The following ADCY1 variants were observed in gnomAD, a reference collection of about 807,000 sequenced individuals.
The protein encoded by ADCY1 is adenylate cyclase 1.
In ADCY1, 28 loss-of-function variants were observed where a neutral mutation model predicts 105.4. The ratio of observed to expected loss-of-function variants is 0.27; its 90% CI spans 0.20 to 0.36. The LOEUF is 0.36. ADCY1 is among the 10% of genes least tolerant of loss of function. ADCY1 has a pLI of 1.00. For synonymous variants in ADCY1, 655 were observed against 623.8 expected (o/e 1.05, Z -0.75); for missense variants, 977 against 1,434.2 (o/e 0.68, Z 5.15).
intron 1 of ADCY1, among the ~76,000 whole-genome samples, chr7:45,584,128 A>G (rs563534122): frequency 2.0e-5 from 3 of 151,666 alleles, no homozygotes; most frequent in African/African-American, 4.8e-5. Flanking sequence ...TATTTTTTGT[A>G]GAGATGGAGT....
intron 4 of ADCY1, among the ~76,000 whole-genome samples, chr7:45,630,139 A>C (rs1454077128): frequency 6.6e-6 from 1 of 152,076 alleles, no homozygotes; most frequent in Admixed American, 6.5e-5. Flanking sequence ...CTTTTTGTGA[A>C]GTTTTGAGCA....
At position 45,711,842 on chromosome 7, in the gene ADCY1, AAAT is replaced by A. The variant is rs1785245753; in HGVS notation, c.3057+1192_3057+1194del. Among the ~76,000 whole-genome samples, 4 of 125,722 alleles carry A rather than the reference AAAT, an allele frequency of 3.2e-5. No individual in the cohort carries two copies. In the South Asian group the frequency reaches 9.5e-4, roughly 30 times the overall value. 82.5% of individuals were successfully genotyped at this position (125,722 alleles called of 152,430 possible). ...TGTACTTTTAAAATATACAATATTT[AAAT>A]ATTAATATTAATTTTATTAATATAT... On this transcript the variant is annotated intron_variant, in intron 19 of 19. Transcript: ENST00000297323.
rs912279606 is a variant in ADCY1 at position 45,591,382 on chromosome 7, G to A, written c.640-1377G>A. ...TCTCATGGGTCTACCTCCTGGACTC[G>A]CTTGGTCCCCGTCAGGTGGCAGCTG... On this transcript the variant is annotated intron_variant, in intron 1 of 19. Coordinates refer to ENST00000297323, the MANE Select transcript of ADCY1 (RefSeq NM_021116.4). This position sits in a 1 kb window ranked among gnomAD's most constrained non-coding sequence, Gnocchi z 4.1. Among the ~76,000 whole-genome samples the A allele has an allele frequency of 6.6e-6, 1 of 152,208 alleles. No homozygotes were observed. Among genetic ancestry groups the A allele is most frequent in the Non-Finnish European group, 1.5e-5 (1 of 68,046 alleles).
In ADCY1 at chr7:45,600,652, T is replaced by A. The variant is rs1584260154; in HGVS notation, c.789+7744T>A. On this transcript the variant is annotated intron_variant, in intron 2 of 19. Coordinates refer to ENST00000297323, the MANE Select transcript of ADCY1 (RefSeq NM_021116.4). ...CTTAGGCTGTGTAACAGAGACTGGG[T>A]GGCTGCAACAAGAGAAATGTATTTC... Among the ~76,000 whole-genome samples, 3 of 152,132 alleles carry A rather than the reference T, an allele frequency of 2.0e-5. No homozygotes were observed. The South Asian group carries it at 6.2e-4, about 32-fold the overall frequency.
At chr7:45,607,727 T>C (rs1793418199) in intron 2 of ADCY1, among the ~76,000 whole-genome samples, 1 of 152,202 alleles carries the variant, frequency 6.6e-6, no homozygotes, top group Non-Finnish European at 1.5e-5. Context: ...TCTGTGTTAC[T>C]TCAGTGGCCT....
At chr7:45,672,295 T>C (rs1716580966) in intron 8 of ADCY1, among the ~76,000 whole-genome samples, 1 of 152,192 alleles carries the variant, frequency 6.6e-6, no homozygotes, top group African/African-American at 2.4e-5. Context: ...GTTCCATTTA[T>C]CTATTTGTCT....
rs1785488227 is a variant in ADCY1, at chr7:45,722,163, G to A, written c.*8168G>A. 2 of 264,436 alleles carry A rather than the reference G, an allele frequency of 7.6e-6. No homozygotes were observed. The highest frequency in any genetic ancestry group is 1.1e-4 in the Admixed American group (2 of 18,336). The allele number at this position is 264,436 out of a possible 1,614,324, so 16.4% of individuals were successfully genotyped here. On this transcript the variant is annotated 3_prime_UTR_variant, in exon 20 of 20. Coordinates refer to ENST00000297323, the MANE Select transcript of ADCY1 (RefSeq NM_021116.4). ...CATTCCCACATTGGGGGATCCTGAG[G>A]GAGCCCATCACCGCCTCTTGCATAC...
At chr7:45,635,601 G>GTT (rs71030884) in intron 4 of ADCY1, among the ~76,000 whole-genome samples, 597 of 57,184 alleles carry the variant, frequency 0.01, 75 homozygotes, top group South Asian at 0.018. Context: ...AATTTCTCTT[G>GTT]TTTTTTTTTT....
At chr7:45,649,018 G>A (rs779992022) in intron 5 of ADCY1, among the ~76,000 whole-genome samples, 7 of 152,160 alleles carry the variant, frequency 4.6e-5, no homozygotes, top group East Asian at 3.9e-4. Context: ...TTTACATTTC[G>A]TGTGTGGCTG....
At chr7:45,661,045 G>A (rs558184479) in intron 7 of ADCY1, among the ~76,000 whole-genome samples, 1 of 150,306 alleles carries the variant, frequency 6.7e-6, no homozygotes, top group Non-Finnish European at 1.5e-5. Flanking sequence ...GGGGAGGGTC[G>A]ATGCCTCAGG....
intron 4 of ADCY1, among the ~76,000 whole-genome samples, chr7:45,626,088 G>C (rs1301702481): frequency 6.6e-6 from 1 of 152,178 alleles, no homozygotes; most frequent in Non-Finnish European, 1.5e-5. Context: ...TAGCTGACGA[G>C]GTCTGTGAAG....
intron 4 of ADCY1, 125 bp downstream of exon 4, chr7:45,622,868 G>A: frequency 1.3e-6 from 1 of 741,278 alleles, no homozygotes. Flanking sequence ...CTTCCAGCAA[G>A]GTTATAAATC....
At chr7:45,580,074 G>C (rs1275431786) in intron 1 of ADCY1, among the ~76,000 whole-genome samples, 1 of 151,164 alleles carries the variant, frequency 6.6e-6, no homozygotes, top group Non-Finnish European at 1.5e-5. Context: ...AACATAAAAA[G>C]CTTCCAGAAT....
intron 8 of ADCY1, among the ~76,000 whole-genome samples, chr7:45,666,943 T>A (rs533474025): frequency 6.6e-6 from 1 of 152,372 alleles, no homozygotes; most frequent in East Asian, 1.9e-4. Context: ...GAAGTGTCTG[T>A]TCATATCCTT....
chr7:45,666,955 G>A (rs1403409607), intron 8 of ADCY1, among the ~76,000 whole-genome samples: 4 of 152,100 alleles, frequency 2.6e-5, no homozygotes, highest in East Asian at 3.9e-4. Flanking sequence ...CATATCCTTC[G>A]CCCACTTTTT....
chr7:45,656,957 G>C (rs981546435), intron 5 of ADCY1, among the ~76,000 whole-genome samples: 2 of 152,344 alleles, frequency 1.3e-5, no homozygotes, highest in African/African-American at 4.8e-5. Flanking sequence ...CTGGAGCTGG[G>C]TGTATACACG....
intron 7 of ADCY1, among the ~76,000 whole-genome samples, chr7:45,661,785 G>A (rs1030879877): frequency 2.0e-5 from 3 of 152,282 alleles, no homozygotes; most frequent in Admixed American, 6.5e-5. Context: ...GCCTTCCCCC[G>A]CACTTTGCTT....
chr7:45,617,674 C>T (rs1793774162), intron 3 of ADCY1, among the ~76,000 whole-genome samples: 1 of 151,990 alleles, frequency 6.6e-6, no homozygotes, highest in Admixed American at 6.6e-5. Flanking sequence ...ATAAATTTAA[C>T]CAAGGATGTA....
chr7:45,652,891 G>A (rs1467393425), intron 5 of ADCY1, among the ~76,000 whole-genome samples: 2 of 152,232 alleles, frequency 1.3e-5, no homozygotes, highest in Admixed American at 6.5e-5. Context: ...AAAGGCCAGA[G>A]CAGTGGGCTG....
Sources: allele counts gnomAD v4.1 joint callset (sites outside exome capture counted in the v4.1 genomes callset), GRCh38; gene constraint gnomAD v4.1.1; non-coding constraint Gnocchi (gnomAD v3.1); transcripts MANE v1.5; gene names NCBI Gene and HGNC (gene_info 2026-07-23, HGNC 2026-07-21).